KRT80: variants seen among roughly 807,000 people sequenced by gnomAD.
KRT80 encodes keratin 80.
In KRT80, 36 loss-of-function variants were observed where a neutral mutation model predicts 51.5. The ratio of observed to expected loss-of-function variants is 0.70; its 90% CI spans 0.54 to 0.92. The LOEUF is 0.92. Among genes scored for constraint, KRT80 ranks in the 40% least tolerant of loss-of-function variants. The pLI is 0.00. For missense variants in KRT80, 566 were observed against 591.7 expected, an observed-to-expected ratio of 0.96 and a Z score of 0.45; for synonymous variants, 235 against 248.3, an observed-to-expected ratio of 0.95 and a Z score of 0.50.
At chr12:52,184,753 C>CTGTT (rs919352051) in intron 2 of KRT80, among the ~76,000 whole-genome samples, 1 of 152,210 alleles carries the variant, frequency 6.6e-6, no homozygotes, top group Non-Finnish European at 1.5e-5. Flanking sequence ...TGCCCAGCAA[C>CTGTT]TGTTTGTCTG....
rs559382915 is a variant in KRT80, at chr12:52,173,641, C to G, written c.790G>C (p.Ala264Pro). ...EVKAQYDAVA[A>P]RSLEEAEAYS... ...GCCTCGGCCTCCTCCAGGCTGCGAGCCGCGACGGCGTCATACTGGGCCTTC... is the reference window on the plus strand; with the variant it reads ...GCCTCGGCCTCCTCCAGGCTGCGAGGCGCGACGGCGTCATACTGGGCCTTC... The change falls in exon 5 of 9, where the codon GCT (alanine) becomes CCT (proline). Residue 264 changes from alanine to proline, a missense_variant. Transcript: ENST00000394815. 1.2e-6 allele frequency: 2 copies of G among 1,613,046 alleles called. No individual in the cohort carries two copies.
At position 52,191,818 on chromosome 12, in the gene KRT80, A is replaced by T; in HGVS notation, c.85T>A (p.Ser29Thr). The T allele has an allele frequency of 6.2e-7, 1 of 1,600,590 alleles. No individual in the cohort carries two copies. The highest frequency in any genetic ancestry group is 8.5e-7 in the Non-Finnish European group (1 of 1,172,652). The change falls in exon 1 of 9, where the codon TCA (serine) becomes ACA (threonine). Residue 29 changes from serine to threonine, a missense_variant. Ser to Thr is a moderately conservative substitution (Grantham distance 58). Transcript: ENST00000394815. ...TPVGSPRPGT[S>T]GWDSCRAPGP... ...GGGGCCCTGCAGCTGTCCCATCCTGAGGTTCCAGGCCGGGGGCTGCCCACC... is the reference window on the plus strand; with the variant it reads ...GGGGCCCTGCAGCTGTCCCATCCTGTGGTTCCAGGCCGGGGGCTGCCCACC...
intron 1 of KRT80, among the ~76,000 whole-genome samples, chr12:52,188,105 C>T (rs576043381): frequency 6.6e-6 from 1 of 152,168 alleles, no homozygotes; most frequent in South Asian, 2.1e-4. Flanking sequence ...ATTCATTCCC[C>T]ACTTGGGACC....
At chr12:52,189,921 C>T (rs979899080) in intron 1 of KRT80, among the ~76,000 whole-genome samples, 3 of 152,196 alleles carry the variant, frequency 2.0e-5, no homozygotes, top group South Asian at 2.1e-4. Context: ...TCAGTGCTGG[C>T]GTTTGAGGGA....
chr12:52,185,867 G>T, intron 1 of KRT80: 1 of 516,300 alleles, frequency 1.9e-6, no homozygotes, highest in Non-Finnish European at 3.4e-6. Flanking sequence ...GTAAGAGGGT[G>T]TGAGAGTGCC....
intron 1 of KRT80, among the ~76,000 whole-genome samples, chr12:52,189,512 G>A (rs1778935662): frequency 6.6e-6 from 1 of 152,254 alleles, no homozygotes; most frequent in African/African-American, 2.4e-5. Flanking sequence ...TAACCTGCCT[G>A]AGACAACACA....
chr12:52,172,995 C>A, intron 6 of KRT80, 43 bp downstream of exon 6: 1 of 1,584,854 alleles, frequency 6.3e-7, no homozygotes, highest in South Asian at 1.1e-5. Flanking sequence ...GTGTGTCTCC[C>A]TGCTCTCCTC....
intron 2 of KRT80, among the ~76,000 whole-genome samples, chr12:52,184,412 G>C (rs1049662938): frequency 6.6e-6 from 1 of 152,210 alleles, no homozygotes; most frequent in African/African-American, 2.4e-5. Context: ...CAGCCCGAGT[G>C]ACCAGCCTTC....
chr12:52,183,354 G>A (rs905721331), intron 2 of KRT80, among the ~76,000 whole-genome samples: 5 of 152,104 alleles, frequency 3.3e-5, no homozygotes, highest in South Asian at 2.1e-4. Context: ...CCCCACCCCC[G>A]CAACTTGTTT....
In KRT80 at chr12:52,169,080, T is replaced by G. The variant is rs1225477749; in HGVS notation, c.*2318A>C. ...GCACCAACATTTGCTCAGCTTCTGG[T>G]GAGGGCCTCAGGAAGCTTACAGTAA... On this transcript the variant is annotated 3_prime_UTR_variant, in exon 9 of 9. Transcript: ENST00000394815. The G allele has an allele frequency of 2.0e-5, 3 of 152,168 alleles. No homozygotes were observed. Among genetic ancestry groups the G allele is most frequent in the Non-Finnish European group, 4.4e-5 (3 of 68,048 alleles). 9.4% of individuals were successfully genotyped at this position (152,168 alleles called of 1,614,324 possible).
intron 3 of KRT80, 26 bp downstream of exon 3, chr12:52,180,876 GC>G (rs1941309236): frequency 6.2e-6 from 10 of 1,605,832 alleles, no homozygotes; most frequent in African/African-American, 1.3e-5. Flanking sequence ...TGAGGAAGGA[GC>G]CCCTGGGGCA....
chr12:52,185,251 A>G, intron 2 of KRT80, 128 bp downstream of exon 2: 1 of 925,164 alleles, frequency 1.1e-6, no homozygotes, highest in South Asian at 1.6e-5. Flanking sequence ...GTCCCTCAAT[A>G]AATGTCTCAG....
chr12:52,173,210 C>T (rs1487136594), intron 5 of KRT80, 47 bp from the exon 6 acceptor site: 1 of 1,528,250 alleles, frequency 6.5e-7, no homozygotes. Context: ...AGTGCCGCTC[C>T]CAGCACTTGT....
At chr12:52,185,741 C>G in intron 1 of KRT80, 154 bp from the exon 2 acceptor site, 1 of 1,445,732 alleles carries the variant, frequency 6.9e-7, no homozygotes. Flanking sequence ...GAAAGCACCT[C>G]CAATGACTGA....
In KRT80 at chr12:52,170,199, A is replaced by C. The variant is rs1449961680; in HGVS notation, c.*1199T>G. 6.6e-6 allele frequency: 1 copy of C among 152,406 alleles called. No individual in the cohort carries two copies. Among genetic ancestry groups the C allele is most frequent in the East Asian group, 1.9e-4 (1 of 5,194 alleles). The allele number at this position is 152,406 out of a possible 1,614,324, so 9.4% of individuals were successfully genotyped here. ...CATTTGGGCCCCACAGCTGGACCTC[A>C]AGGGCTTGGAAGCTCCCAGACTTGC... On this transcript the variant is annotated 3_prime_UTR_variant, in exon 9 of 9. Coordinates refer to ENST00000394815, the MANE Select transcript of KRT80 (RefSeq NM_182507.3).
rs759253762 is a variant in KRT80, at chr12:52,173,677, C to T, written c.754G>A (p.Val252Met). The T allele has an allele frequency of 3.1e-5, 50 of 1,613,020 alleles. No homozygotes were observed. Among genetic ancestry groups the T allele is most frequent in the East Asian group, 6.7e-5 (3 of 44,900 alleles). ...TCATACTGGGCCTTCACCTCCTCCA[C>T]GATGCCGCTCAGGTCGATGTGGCAG... ...SRCHIDLSGI[V>M]EEVKAQYDAV... The change falls in exon 5 of 9, where the codon GTG becomes ATG. Residue 252 changes from valine (V) to methionine (M), a missense_variant. Coordinates refer to ENST00000394815, the MANE Select transcript of KRT80 (RefSeq NM_182507.3).
At chr12:52,177,142 A>G (rs4762059) in intron 4 of KRT80, among the ~76,000 whole-genome samples, 108,526 of 152,128 alleles carry the variant, frequency 0.71, 38,931 homozygotes, top group East Asian at 0.75. Flanking sequence ...TTGTCGTGAG[A>G]ATTAACTGAG....
At chr12:52,179,896 G>A (rs1412065273) in intron 4 of KRT80, among the ~76,000 whole-genome samples, 3 of 152,198 alleles carry the variant, frequency 2.0e-5, no homozygotes, top group East Asian at 3.8e-4. Context: ...ATCCTGAAGG[G>A]TGCCTAGGAG....
At chr12:52,183,901 C>G (rs932433048) in intron 2 of KRT80, among the ~76,000 whole-genome samples, 2 of 152,246 alleles carry the variant, frequency 1.3e-5, no homozygotes, top group South Asian at 2.1e-4. Flanking sequence ...ATTCTCTGAG[C>G]CTTTGAGGGC....
Sources: gnomAD v4.1 joint callset for allele counts (sites outside exome capture counted in the v4.1 genomes callset) on GRCh38, gnomAD v4.1.1 for gene constraint, MANE v1.5 for transcripts, NCBI Gene and HGNC (gene_info 2026-07-23, HGNC 2026-07-21) for gene names.